Variants in CREBRF observed in about 807,000 individuals in gnomAD.
CREBRF encodes UPF0474 protein C5orf41.
Under a neutral mutation model 66.1 loss-of-function variants are expected in CREBRF, and 5 were observed. The ratio of observed to expected loss-of-function variants is 0.08; its 90% CI spans 0.04 to 0.16. The LOEUF (loss-of-function observed/expected upper bound fraction) is 0.16, where lower values mean the gene tolerates loss of function less well. CREBRF is among the 10% of genes least tolerant of loss of function. The pLI is 1.00. For synonymous variants in CREBRF, 229 were observed against 264.4 expected, an observed-to-expected ratio of 0.87 and a Z score of 1.30; for missense variants, 531 against 744.9, an observed-to-expected ratio of 0.71 and a Z score of 3.34.
chr5:173,126,747 G>C (rs989332221), intron 8 of CREBRF, among the ~76,000 whole-genome samples: 2 of 152,124 alleles, frequency 1.3e-5, no homozygotes, highest in Admixed American at 6.5e-5. Flanking sequence ...TAATGCTGTT[G>C]CCATACATGT....
At chr5:173,118,336 C>G (rs1036443885) in intron 7 of CREBRF, among the ~76,000 whole-genome samples, 2 of 152,164 alleles carry the variant, frequency 1.3e-5, no homozygotes, top group African/African-American at 4.8e-5. Flanking sequence ...TTTCAAAGAT[C>G]AAACATTTTT....
chr5:173,069,205 T>C (rs904135896), intron 1 of CREBRF, among the ~76,000 whole-genome samples: 2 of 152,120 alleles, frequency 1.3e-5, no homozygotes, highest in Admixed American at 1.3e-4. Flanking sequence ...TGAGTGTCTG[T>C]TTTGTGCTAG....
At chr5:173,095,662 G>C (rs968022191) in intron 4 of CREBRF, among the ~76,000 whole-genome samples, 11 of 151,858 alleles carry the variant, frequency 7.2e-5, no homozygotes, top group African/African-American at 2.7e-4. Context: ...GTTCATTTTG[G>C]GTGATATGGA....
chr5:173,083,169 A>G (rs1436050710), intron 2 of CREBRF, among the ~76,000 whole-genome samples: 1 of 152,084 alleles, frequency 6.6e-6, no homozygotes, highest in Non-Finnish European at 1.5e-5. Flanking sequence ...TGGAGGTTGC[A>G]GTGAGCTGAG....
At chr5:173,089,687 T>C (rs78573968) in intron 3 of CREBRF, among the ~76,000 whole-genome samples, 1 of 150,008 alleles carries the variant, frequency 6.7e-6, no homozygotes, top group Non-Finnish European at 1.5e-5. Flanking sequence ...GAAAAAAAAA[T>C]CATCTCTAAA....
At chr5:173,093,665 C>G (rs939127943) in intron 4 of CREBRF, among the ~76,000 whole-genome samples, 1 of 152,166 alleles carries the variant, frequency 6.6e-6, no homozygotes, top group Non-Finnish European at 1.5e-5. Flanking sequence ...CACAGGCGTG[C>G]ACCATCATGC....
At chr5:173,106,901 C>T (rs973414235) in intron 4 of CREBRF, among the ~76,000 whole-genome samples, 1 of 152,132 alleles carries the variant, frequency 6.6e-6, no homozygotes, top group African/African-American at 2.4e-5. Flanking sequence ...AGGCACCCAC[C>T]ACCATGCCCG....
intron 2 of CREBRF, among the ~76,000 whole-genome samples, chr5:173,082,598 A>AG (rs1320330253): frequency 2.6e-5 from 4 of 151,616 alleles, no homozygotes; most frequent in Non-Finnish European, 5.9e-5. Context: ...AAAAAAAAAA[A>AG]GAAAATACTA....
chr5:173,058,564 A>T (rs925850069), intron 1 of CREBRF, among the ~76,000 whole-genome samples: 1 of 151,728 alleles, frequency 6.6e-6, no homozygotes, highest in African/African-American at 2.4e-5. Context: ...ACTCACTGCA[A>T]GCTCCGCCTC....
At chr5:173,117,258 T>G (rs1759011866) in intron 7 of CREBRF, among the ~76,000 whole-genome samples, 1 of 151,674 alleles carries the variant, frequency 6.6e-6, no homozygotes, top group African/African-American at 2.4e-5. Context: ...TGAGCACCTG[T>G]AATCCTAGCT....
intron 5 of CREBRF, 152 bp from the exon 6 acceptor site, chr5:173,110,370 T>C (rs528264710): frequency 4.2e-6 from 3 of 717,680 alleles, no homozygotes; most frequent in East Asian, 5.4e-5. Flanking sequence ...CCTTCTAGGA[T>C]AGATTGTTAA....
chr5:173,062,351 C>A (rs930017724), intron 1 of CREBRF, among the ~76,000 whole-genome samples: 1 of 152,106 alleles, frequency 6.6e-6, no homozygotes, highest in Admixed American at 6.6e-5. Context: ...TGAATGCATG[C>A]ATTGCTGAGA....
chr5:173,110,949 A>C (rs543948508), intron 6 of CREBRF, among the ~76,000 whole-genome samples: 1 of 152,104 alleles, frequency 6.6e-6, no homozygotes, highest in South Asian at 2.1e-4. Context: ...ACAATAAAAA[A>C]TTTTTTCATA....
At chr5:173,121,570 C>T (rs577633497) in intron 7 of CREBRF, among the ~76,000 whole-genome samples, 1 of 152,268 alleles carries the variant, frequency 6.6e-6, no homozygotes, top group South Asian at 2.1e-4. Context: ...GATCCGCCCG[C>T]CTTGGCCTCC....
intron 1 of CREBRF, among the ~76,000 whole-genome samples, chr5:173,078,218 T>C (rs1276656169): frequency 2.0e-5 from 3 of 152,232 alleles, no homozygotes; most frequent in Non-Finnish European, 1.5e-5. Context: ...CCAATATTTG[T>C]TATTTTCCAC....
At chr5:173,098,118 C>A (rs575645732) in intron 4 of CREBRF, among the ~76,000 whole-genome samples, 1 of 149,976 alleles carries the variant, frequency 6.7e-6, no homozygotes, top group Non-Finnish European at 1.5e-5. Flanking sequence ...CTTTTGATTT[C>A]TTTGACCCAT....
At chr5:173,083,492 G>A (rs1758033582) in intron 2 of CREBRF, among the ~76,000 whole-genome samples, 1 of 152,166 alleles carries the variant, frequency 6.6e-6, no homozygotes, top group Admixed American at 6.5e-5. Flanking sequence ...AGGCTACAGA[G>A]TTCATGCCCA....
chr5:173,094,444 C>T (rs1433683278), intron 4 of CREBRF, among the ~76,000 whole-genome samples: 1 of 152,146 alleles, frequency 6.6e-6, no homozygotes, highest in African/African-American at 2.4e-5. Flanking sequence ...CTCAATAACA[C>T]TTGCTTTCAT....
At chr5:173,133,347 A>G (rs1247513111) in intron 8 of CREBRF, among the ~76,000 whole-genome samples, 5 of 152,056 alleles carry the variant, frequency 3.3e-5, no homozygotes, top group Admixed American at 6.6e-5. Context: ...TTGGGTTTGG[A>G]CTGTTATTTG....
Sources: allele counts gnomAD v4.1 joint callset (sites outside exome capture counted in the v4.1 genomes callset), GRCh38; gene constraint gnomAD v4.1.1; transcripts MANE v1.5; gene names NCBI Gene and HGNC (gene_info 2026-07-23, HGNC 2026-07-21).